Variants in MAPKAPK2 observed in about 807,000 individuals in gnomAD.
The protein encoded by MAPKAPK2 is MAP kinase-activated protein kinase 2.
A neutral mutation model predicts 48.8 loss-of-function variants in MAPKAPK2; 9 were observed. That is an observed-to-expected ratio of 0.18 (90% CI 0.11 to 0.32). The LOEUF (loss-of-function observed/expected upper bound fraction) is 0.32, where lower values mean the gene tolerates loss of function less well. Ranked by LOEUF, MAPKAPK2 falls within the 10% of genes least tolerant of loss-of-function variation. The pLI is 1.00. For missense variants in MAPKAPK2, 331 were observed against 498.3 expected (o/e 0.66, Z 3.20); for synonymous variants, 202 against 190.6 (o/e 1.06, Z -0.49).
intron 6 of MAPKAPK2, 88 bp downstream of exon 6, chr1:206,730,851 C>T: frequency 7.1e-7 from 1 of 1,409,854 alleles, no homozygotes. Flanking sequence ...CAGACGTTAG[C>T]ATTCCCCTTT....
At chr1:206,711,948 T>C (rs1673158470) in intron 1 of MAPKAPK2, among the ~76,000 whole-genome samples, 1 of 152,086 alleles carries the variant, frequency 6.6e-6, no homozygotes, top group South Asian at 2.1e-4. Flanking sequence ...AGCTGTTTAG[T>C]TTATTTCCTT....
intron 1 of MAPKAPK2, among the ~76,000 whole-genome samples, chr1:206,712,277 A>G (rs1036134779): frequency 1.3e-5 from 2 of 152,228 alleles, no homozygotes; most frequent in African/African-American, 4.8e-5. Flanking sequence ...CTAAATAACA[A>G]CCTGCGAGTT....
At chr1:206,706,659 C>A (rs570801802) in intron 1 of MAPKAPK2, among the ~76,000 whole-genome samples, 1 of 152,292 alleles carries the variant, frequency 6.6e-6, no homozygotes, top group Non-Finnish European at 1.5e-5. Flanking sequence ...GCAGATGACT[C>A]CCTCCTTCCC....
chr1:206,723,870 C>G (rs1221964070), intron 1 of MAPKAPK2, among the ~76,000 whole-genome samples: 2 of 152,250 alleles, frequency 1.3e-5, no homozygotes, highest in African/African-American at 4.8e-5. Flanking sequence ...AGGCAATGCG[C>G]TCTGTGGCTT....
At chr1:206,691,506 C>T (rs199880597) in intron 1 of MAPKAPK2, among the ~76,000 whole-genome samples, 1,061 of 22,814 alleles carry the variant, frequency 0.047, 6 homozygotes, top group African/African-American at 0.072. Flanking sequence ...TATATATATA[C>T]ACACATACAC....
chr1:206,723,116 A>G (rs544499388), intron 1 of MAPKAPK2, among the ~76,000 whole-genome samples: 2 of 152,174 alleles, frequency 1.3e-5, no homozygotes, highest in Non-Finnish European at 2.9e-5. Flanking sequence ...TCCTTCTCTC[A>G]TTACATGCGC....
In MAPKAPK2 at chr1:206,733,199, A is replaced by G. The variant is rs1673987239; in HGVS notation, c.*481A>G. The G allele has an allele frequency of 6.2e-6, 1 of 160,544 alleles. No individual in the cohort carries two copies. Among genetic ancestry groups the G allele is most frequent in the South Asian group, 1.8e-4 (1 of 5,596 alleles). 9.9% of individuals were successfully genotyped at this position (160,544 alleles called of 1,614,324 possible). On this transcript the variant is annotated 3_prime_UTR_variant, in exon 10 of 10. Transcript: ENST00000367103. The stretch of plus-strand genomic sequence containing the variant: ...TCACGCGTTCTGGGAGCTCAAGGCC[A>G]CCTTGGAGGAGGATGCCACGCACTT...
intron 1 of MAPKAPK2, among the ~76,000 whole-genome samples, chr1:206,718,004 C>G (rs1352588086): frequency 6.6e-6 from 1 of 152,084 alleles, no homozygotes; most frequent in Non-Finnish European, 1.5e-5. Context: ...CTCCCCTCTT[C>G]CCTAAAAAAC....
At position 206,704,733 on chromosome 1, in the gene MAPKAPK2, T is replaced by G. The variant is rs1672900458; in HGVS notation, c.279+19225T>G. The stretch of plus-strand genomic sequence containing the variant: ...TTTGAACTGAATAAGTGAAGATGAG[T>G]GCACCACAAGTGTGTGTGTGCACTT... On this transcript the variant is annotated intron_variant, in intron 1 of 9. Transcript: ENST00000367103. The surrounding 1 kb of genome is among the most constrained non-coding windows in gnomAD (Gnocchi z 4.3). Among the ~76,000 whole-genome samples, 1 of 152,210 alleles carries G rather than the reference T, an allele frequency of 6.6e-6. No individual in the cohort carries two copies. Among genetic ancestry groups the G allele is most frequent in the African/African-American group, 2.4e-5 (1 of 41,456 alleles).
chr1:206,687,857 C>G (rs977758043), intron 1 of MAPKAPK2, among the ~76,000 whole-genome samples: 4 of 152,144 alleles, frequency 2.6e-5, no homozygotes, highest in Non-Finnish European at 5.9e-5. Context: ...TACAGTGTGC[C>G]GAGGCCAATG....
chr1:206,724,262 C>T (rs1481527374), intron 1 of MAPKAPK2, among the ~76,000 whole-genome samples: 2 of 152,210 alleles, frequency 1.3e-5, no homozygotes, highest in Non-Finnish European at 2.9e-5. Context: ...CCTAGGAGTC[C>T]TGCTTTCCTT....
At chr1:206,729,360 C>A in intron 3 of MAPKAPK2, 36 bp from the exon 4 acceptor site, 2 of 1,552,018 alleles carry the variant, frequency 1.3e-6, no homozygotes, top group Non-Finnish European at 1.8e-6. Context: ...GTCTTTGTGA[C>A]TTTCTTTCCC....
At chr1:206,702,050 TC>T (rs1378555699) in intron 1 of MAPKAPK2, among the ~76,000 whole-genome samples, 3 of 152,140 alleles carry the variant, frequency 2.0e-5, no homozygotes, top group African/African-American at 4.8e-5. Flanking sequence ...TTTAATGTGC[TC>T]CCCAAGTGAT....
chr1:206,696,141 A>G (rs1307631464), intron 1 of MAPKAPK2: 2 of 1,560,804 alleles, frequency 1.3e-6, no homozygotes, highest in Non-Finnish European at 8.8e-7. Context: ...GATCAGTGAC[A>G]TGGACAAAAG....
In MAPKAPK2 at chr1:206,730,782, G is replaced by A; in HGVS notation, c.767+19G>A. 1.9e-6 allele frequency: 3 copies of A among 1,551,582 alleles called. No individual in the cohort carries two copies. The highest frequency in any genetic ancestry group is 1.1e-5 in the South Asian group (1 of 89,902). On this transcript the variant is annotated intron_variant, in intron 6 of 9. Coordinates refer to ENST00000367103, the MANE Select transcript of MAPKAPK2 (RefSeq NM_032960.4). ...ACATCCTGTGAGTGTGCTGGGGAGG[G>A]GGCTGGGTGGGGCAGGGAGTCAGGG...
Position 206,733,100 on chromosome 1 carries a change from A to G in MAPKAPK2, c.*382A>G, listed in dbSNP as rs1673983394. On this transcript the variant is annotated 3_prime_UTR_variant, in exon 10 of 10. Coordinates refer to ENST00000367103, the MANE Select transcript of MAPKAPK2 (RefSeq NM_032960.4). Reference sequence around the variant, plus strand: ...TTAGAGGGTATTTGTGGAAACTGTCATAGGGATTGTCCCTGTGTTGTCCCA... The same window carrying G: ...TTAGAGGGTATTTGTGGAAACTGTCGTAGGGATTGTCCCTGTGTTGTCCCA... The G allele has an allele frequency of 1.1e-5, 2 of 185,952 alleles. No individual in the cohort carries two copies. Among genetic ancestry groups the G allele is most frequent in the Admixed American group, 5.7e-5 (1 of 17,526 alleles). 11.5% of individuals were successfully genotyped at this position (185,952 alleles called of 1,614,324 possible).
At chr1:206,700,158 C>A (rs1672755309) in intron 1 of MAPKAPK2, among the ~76,000 whole-genome samples, 1 of 152,090 alleles carries the variant, frequency 6.6e-6, no homozygotes, top group Non-Finnish European at 1.5e-5. Flanking sequence ...CCTTTCCCAT[C>A]CACACTTTCC....
chr1:206,685,529 G>C, intron 1 of MAPKAPK2, 21 bp downstream of exon 1: 2 of 1,489,292 alleles, frequency 1.3e-6, no homozygotes, highest in South Asian at 2.4e-5. Context: ...GGCCCGGGGA[G>C]GGGAGGCGGG....
chr1:206,698,088 C>T (rs1472679902), intron 1 of MAPKAPK2, among the ~76,000 whole-genome samples: 6 of 152,264 alleles, frequency 3.9e-5, no homozygotes, highest in Non-Finnish European at 7.3e-5. Flanking sequence ...GAGCCATCAT[C>T]TCTGTCCTCA....
Sources: allele counts gnomAD v4.1 joint callset (sites outside exome capture counted in the v4.1 genomes callset), GRCh38; gene constraint gnomAD v4.1.1; non-coding constraint Gnocchi (gnomAD v3.1); transcripts MANE v1.5; gene names NCBI Gene and HGNC (gene_info 2026-07-23, HGNC 2026-07-21).